The following JAK2 variants were observed in gnomAD, a reference collection of about 807,000 sequenced individuals.
JAK2 encodes the protein Janus kinase 2, also known as tyrosine-protein kinase JAK2.
A neutral mutation model predicts 139.3 loss-of-function variants in JAK2; 86 were observed. That is an observed-to-expected ratio of 0.62 (90% CI 0.52 to 0.74). The LOEUF (loss-of-function observed/expected upper bound fraction) is 0.74, where lower values mean the gene tolerates loss of function less well. Ranked by LOEUF, JAK2 falls within the 30% of genes least tolerant of loss-of-function variation. The probability of loss-of-function intolerance (pLI) is 0.00; values close to 1 mark genes in which losing one functional copy is unlikely to be tolerated. For missense variants in JAK2, 1,421 were observed against 1,360.3 expected (o/e 1.04, Z -0.70); for synonymous variants, 490 against 437.7 (o/e 1.12, Z -1.49).
chr9:4,996,141 A>T (rs1357594153), intron 2 of JAK2, among the ~76,000 whole-genome samples: 1 of 152,232 alleles, frequency 6.6e-6, no homozygotes, highest in Non-Finnish European at 1.5e-5. Flanking sequence ...ACAGAATTAC[A>T]GGGAAGTCTG....
At chr9:5,074,466 T>A (rs1295111307) in intron 14 of JAK2, among the ~76,000 whole-genome samples, 1 of 151,942 alleles carries the variant, frequency 6.6e-6, no homozygotes, top group Non-Finnish European at 1.5e-5. Flanking sequence ...TTTCAAACTT[T>A]AAAAAAATCA....
chr9:5,050,743 G>A lies in JAK2; in HGVS notation c.526G>A (p.Glu176Lys). Reference protein sequence around the residue: ...IKVPVTHETQEECLGMAVLDM... With the variant: ...IKVPVTHETQKECLGMAVLDM... ...AGTACCTGTGACTCATGAAACACAG[G>A]AAGAATGTCTTGGGATGGCAGTGTT... The change falls in exon 6 of 25, where the codon GAA (glutamate) becomes AAA (lysine). Residue 176 changes from glutamate to lysine, a missense_variant. Physicochemically the swap from Glu to Lys is moderately conservative, Grantham distance 56 (BLOSUM62 1). Coordinates refer to ENST00000381652, the MANE Select transcript of JAK2 (RefSeq NM_004972.4). 1.2e-6 allele frequency: 2 copies of A among 1,613,838 alleles called. No homozygotes were observed. Among genetic ancestry groups the A allele is most frequent in the Non-Finnish European group, 1.7e-6 (2 of 1,179,802 alleles).
chr9:4,994,218 A>G (rs917629954), intron 2 of JAK2, among the ~76,000 whole-genome samples: 1 of 152,220 alleles, frequency 6.6e-6, no homozygotes. Context: ...GAACTTCCTT[A>G]TCTCAATTAG....
chr9:5,023,024 A>C (rs1221892592), intron 3 of JAK2, among the ~76,000 whole-genome samples: 1 of 152,206 alleles, frequency 6.6e-6, no homozygotes, highest in African/African-American at 2.4e-5. Context: ...GTACATTTCA[A>C]GTTCCTTCTA....
intron 3 of JAK2, among the ~76,000 whole-genome samples, chr9:5,023,281 T>C (rs1822555211): frequency 6.6e-6 from 1 of 152,240 alleles, no homozygotes; most frequent in African/African-American, 2.4e-5. Context: ...TCCTGGCTTA[T>C]TTCACTCGAC....
At position 5,025,720 on chromosome 9, in the gene JAK2, A is replaced by G. The variant is rs190262641; in HGVS notation, c.226+3507A>G. ...GCTAATTTTTGTATTTTTGGTAGAG[A>G]CGGGGTTTGCCATGTTGGCCAAGCT... is the stretch of plus-strand genomic sequence containing the variant. On this transcript the variant is annotated intron_variant, in intron 3 of 24. Transcript: ENST00000381652. Among the ~76,000 whole-genome samples, 255 of 151,988 alleles carry G rather than the reference A, an allele frequency of 1.7e-3. 2 individuals carry two copies. Among genetic ancestry groups the G allele is most frequent in the South Asian group, 3.9e-3 (19 of 4,812 alleles).
intron 4 of JAK2, among the ~76,000 whole-genome samples, chr9:5,040,326 A>G (rs1205123501): frequency 6.6e-6 from 1 of 152,092 alleles, no homozygotes; most frequent in Admixed American, 6.5e-5. Flanking sequence ...TCATAGGCCT[A>G]TATATGAGAG....
chr9:5,030,573 C>T (rs981511130), intron 4 of JAK2, among the ~76,000 whole-genome samples: 1 of 152,070 alleles, frequency 6.6e-6, no homozygotes, highest in Non-Finnish European at 1.5e-5. Context: ...AGTAATATTA[C>T]TCAAATTTAT....
intron 4 of JAK2, among the ~76,000 whole-genome samples, chr9:5,035,922 G>T (rs1023988940): frequency 6.6e-6 from 1 of 152,206 alleles, no homozygotes; most frequent in Non-Finnish European, 1.5e-5. Context: ...ATTTGATTAG[G>T]AAAAGAGGAA....
chr9:5,104,745 T>C (rs1821815112), intron 22 of JAK2, among the ~76,000 whole-genome samples: 1 of 152,222 alleles, frequency 6.6e-6, no homozygotes, highest in African/African-American at 2.4e-5. Context: ...GATGCAAGGC[T>C]GGTTCAACAT....
At chr9:5,121,569 G>A (rs1208394678) in intron 22 of JAK2, among the ~76,000 whole-genome samples, 2 of 152,158 alleles carry the variant, frequency 1.3e-5, no homozygotes, top group East Asian at 1.9e-4. Flanking sequence ...CTTCCTTGAT[G>A]ACTGAATTCC....
At chr9:5,089,576 T>G in intron 19 of JAK2, 98 bp from the exon 20 acceptor site, 1 of 234,894 alleles carries the variant, frequency 4.3e-6, no homozygotes, top group Non-Finnish European at 8.3e-6. Context: ...GACAGTCTGC[T>G]AATTCCAGCT....
intron 2 of JAK2, among the ~76,000 whole-genome samples, chr9:4,998,446 G>A (rs963260749): frequency 2.6e-5 from 4 of 151,950 alleles, no homozygotes; most frequent in Non-Finnish European, 5.9e-5. Context: ...TAGTAGAGAC[G>A]GGGTTTCACC....
chr9:5,062,649 T>C (rs1342720118), intron 8 of JAK2, among the ~76,000 whole-genome samples: 3 of 152,112 alleles, frequency 2.0e-5, no homozygotes, highest in African/African-American at 7.2e-5. Context: ...TATTTACAAC[T>C]TTGATAGATT....
intron 4 of JAK2, among the ~76,000 whole-genome samples, chr9:5,032,383 C>T (rs914120895): frequency 2.0e-5 from 3 of 152,218 alleles, no homozygotes; most frequent in African/African-American, 7.2e-5. Flanking sequence ...CCCTGTCTGA[C>T]AGCTTTGAAG....
intron 22 of JAK2, chr9:5,111,634 G>C (rs1240257121): frequency 2.6e-6 from 1 of 379,730 alleles, no homozygotes; most frequent in Admixed American, 3.5e-5. Context: ...TGCTGGGCGG[G>C]GGCTCATGCC....
At chr9:5,043,845 A>C (rs1816798477) in intron 4 of JAK2, among the ~76,000 whole-genome samples, 1 of 152,242 alleles carries the variant, frequency 6.6e-6, no homozygotes, top group African/African-American at 2.4e-5. Context: ...GAAGGCAGAC[A>C]GAAAGGCCAC....
At chr9:5,065,617 A>G (rs536412515) in intron 9 of JAK2, among the ~76,000 whole-genome samples, 1 of 152,348 alleles carries the variant, frequency 6.6e-6, no homozygotes, top group Non-Finnish European at 1.5e-5. Flanking sequence ...ATTTCTTTAC[A>G]TTTAAATAGC....
chr9:5,077,562 A>G lies in JAK2; in HGVS notation c.1974A>G (p.Ala658=), dbSNP rs370260742. 3.4e-6 allele frequency: 5 copies of G among 1,491,276 alleles called. No individual in the cohort carries two copies. Among genetic ancestry groups the G allele is most frequent in the Non-Finnish European group, 3.6e-6 (4 of 1,122,810 alleles). The allele number at this position is 1,491,276 out of a possible 1,614,324, so 92.4% of individuals were successfully genotyped here. The change falls in exon 15 of 25, where the codon GCA becomes GCG. Residue 658 remains alanine (A), a synonymous_variant. Transcript: ENST00000381652. ...AACTTGAAGTTGCTAAACAGTTGGC[A>G]TGGGCCATGCATTTTCTAGTAAGTA... ...LWKLEVAKQL[A]WAMHFLEENT... is the part of the protein sequence containing the mutation.
Sources: allele counts gnomAD v4.1 joint callset (sites outside exome capture counted in the v4.1 genomes callset), GRCh38; gene constraint gnomAD v4.1.1; transcripts MANE v1.5; gene names NCBI Gene and HGNC (gene_info 2026-07-23, HGNC 2026-07-21).